TYRP1: variants seen among roughly 807,000 people sequenced by gnomAD.
TYRP1 encodes the protein tyrosinase related protein 1, also known as 5,6-dihydroxyindole-2-carboxylic acid oxidase.
Under a neutral mutation model 42.8 loss-of-function variants are expected in TYRP1, and 49 were observed. The observed-to-expected ratio is 1.14, with a 90% CI of 0.91 to 1.45. TYRP1 has a LOEUF of 1.45. TYRP1 is among the 40% of genes most tolerant of loss of function. TYRP1 has a pLI of 0.00. For synonymous variants in TYRP1, 279 were observed against 235.4 expected, an observed-to-expected ratio of 1.19 and a Z score of -1.69; for missense variants, 848 against 662.0, an observed-to-expected ratio of 1.28 and a Z score of -3.08.
chr9:12,702,413 A>C lies in TYRP1; in HGVS notation c.1056A>C (p.Thr352=). 6.2e-7 allele frequency: 1 copy of C among 1,612,644 alleles called. No homozygotes were observed. Among genetic ancestry groups the C allele is most frequent in the East Asian group, 2.2e-5 (1 of 44,820 alleles). ...CGCCTCCTTTTTATTCCAACTCTAC[A>C]AACAGTTTCCGAAACACAGTGGAAG... The part of the protein sequence containing the change: ...FDTPPFYSNS[T]NSFRNTVEGY... Residue 352 remains threonine, a synonymous_variant, in exon 5 of 8, where the codon ACA becomes ACC. Coordinates refer to ENST00000388918, the MANE Select transcript of TYRP1 (RefSeq NM_000550.3).
chr9:12,708,847 C>T, intron 7 of TYRP1, 130 bp from the exon 8 acceptor site: 1 of 849,756 alleles, frequency 1.2e-6, no homozygotes, highest in Non-Finnish European at 1.9e-6. Context: ...GGCTTCAAGG[C>T]CATGTGGCCA....
chr9:12,694,406 A>G (rs754313210), intron 2 of TYRP1, 25 bp downstream of exon 2: 1 of 1,613,058 alleles, frequency 6.2e-7, no homozygotes, highest in Admixed American at 1.7e-5. Context: ...GAATGAGTTC[A>G]TAAGTCCTGC....
chr9:12,696,184 A>G (rs903577851), intron 3 of TYRP1, among the ~76,000 whole-genome samples: 17 of 152,202 alleles, frequency 1.1e-4, no homozygotes, highest in Non-Finnish European at 2.1e-4. Flanking sequence ...TCTACTAAAT[A>G]TAAGCAGATT....
chr9:12,707,965 T>C (rs779289594), intron 6 of TYRP1, 32 bp from the exon 7 acceptor site: 3 of 1,575,938 alleles, frequency 1.9e-6, no homozygotes, highest in Admixed American at 1.7e-5. Flanking sequence ...TTTTATTATG[T>C]TTATTAATAC....
In TYRP1 at chr9:12,709,025, C is replaced by CTTTG. The variant is rs1818309487; in HGVS notation, c.1460_1463dup (p.Leu488PhefsTer23). 6.2e-7 allele frequency: 1 copy of CTTTG among 1,612,602 alleles called. No individual in the cohort carries two copies. Among genetic ancestry groups the CTTTG allele is most frequent in the South Asian group, 1.1e-5 (1 of 91,058 alleles). On this transcript the variant is annotated frameshift_variant, in exon 8 of 8. Coordinates refer to ENST00000388918, the MANE Select transcript of TYRP1 (RefSeq NM_000550.3). LOFTEE classifies it high-confidence loss of function. ...ATAATTGCCATAGCAGTAGTTGGCG[C>CTTTG]TTTGTTACTGGTTGCACTCATTTTT...
chr9:12,699,659 C>T (rs1818134640), intron 4 of TYRP1, among the ~76,000 whole-genome samples: 1 of 151,958 alleles, frequency 6.6e-6, no homozygotes, highest in Non-Finnish European at 1.5e-5. Flanking sequence ...TGAAAATTTC[C>T]TCTGTAGAAG....
intron 6 of TYRP1, 152 bp downstream of exon 6, chr9:12,704,857 T>C: frequency 1.3e-6 from 1 of 773,978 alleles, no homozygotes; most frequent in Non-Finnish European, 2.2e-6. Flanking sequence ...AGACATTCAA[T>C]TCTACTTTGA....
Position 12,694,112 on chromosome 9 carries a change from G to C in TYRP1, c.116G>C (p.Gly39Ala). ...QCATVEALRS[G>A]MCCPDLSPVS... Reference sequence around the variant, plus strand: ...GCCACTGTTGAGGCTTTGAGAAGTGGTATGTGTTGCCCAGACCTGTCCCCT... The same window carrying C: ...GCCACTGTTGAGGCTTTGAGAAGTGCTATGTGTTGCCCAGACCTGTCCCCT... The change falls in exon 2 of 8, where the codon GGT becomes GCT. Residue 39 changes from glycine to alanine, a missense_variant. Physicochemically the swap from Gly to Ala is moderately conservative, Grantham distance 60 (BLOSUM62 0). Transcript: ENST00000388918. 1.2e-6 allele frequency: 2 copies of C among 1,614,070 alleles called. No homozygotes were observed. Among genetic ancestry groups the C allele is most frequent in the African/African-American group, 2.7e-5 (2 of 75,014 alleles).
intron 5 of TYRP1, among the ~76,000 whole-genome samples, chr9:12,703,222 T>C (rs896915481): frequency 1.3e-5 from 2 of 151,940 alleles, no homozygotes; most frequent in Non-Finnish European, 2.9e-5. Flanking sequence ...CAATATAGCA[T>C]TGTCCATGTC....
chr9:12,699,907 G>A (rs1208080125), intron 4 of TYRP1, among the ~76,000 whole-genome samples: 5 of 151,570 alleles, frequency 3.3e-5, no homozygotes, highest in African/African-American at 1.2e-4. Context: ...TAGCACAGGA[G>A]GGGGAAGAAA....
chr9:12,708,697 A>T (rs1010940875), intron 7 of TYRP1, among the ~76,000 whole-genome samples: 1 of 151,992 alleles, frequency 6.6e-6, no homozygotes, highest in Non-Finnish European at 1.5e-5. Context: ...CTCCAAAGCC[A>T]ACTTTATTGC....
In TYRP1 at chr9:12,708,076, C is replaced by A; in HGVS notation, c.1341C>A (p.Val447=). Reference sequence around the variant, plus strand: ...ACATGGTGCCATTCTGGCCCCCAGTCACCAACACAGAAATGTTTGTTACTG... The same window carrying A: ...ACATGGTGCCATTCTGGCCCCCAGTAACCAACACAGAAATGTTTGTTACTG... The part of the protein sequence containing the change: ...QYNMVPFWPP[V]TNTEMFVTAP... The change falls in exon 7 of 8, where the codon GTC becomes GTA. Residue 447 remains valine (V), a synonymous_variant. Transcript: ENST00000388918. 6.2e-7 allele frequency: 1 copy of A among 1,612,812 alleles called. No homozygotes were observed. The highest frequency in any genetic ancestry group is 8.5e-7 in the Non-Finnish European group (1 of 1,179,302).
intron 6 of TYRP1, 70 bp from the exon 7 acceptor site, chr9:12,707,927 T>C: frequency 1.4e-6 from 2 of 1,473,292 alleles, no homozygotes; most frequent in Non-Finnish European, 1.8e-6. Context: ...TGGATGCCTT[T>C]AGAACTCAAT....
chr9:12,701,484 A>G (rs1818168052), intron 4 of TYRP1, among the ~76,000 whole-genome samples: 1 of 151,956 alleles, frequency 6.6e-6, no homozygotes, highest in Admixed American at 6.6e-5. Flanking sequence ...AAGAAAGTGT[A>G]TCATCTCTTG....
Position 12,709,038 on chromosome 9 carries a change from T to G in TYRP1, c.1470T>G (p.Val490=). ...CAGTAGTTGGCGCTTTGTTACTGGTTGCACTCATTTTTGGGACTGCTTCTT... is the reference window on the plus strand; with the variant it reads ...CAGTAGTTGGCGCTTTGTTACTGGTGGCACTCATTTTTGGGACTGCTTCTT... ...AIAVVGALLL[V]ALIFGTASYL... is the part of the protein sequence containing the mutation. Residue 490 remains valine, a synonymous_variant, in exon 8 of 8, where the codon GTT becomes GTG. Transcript: ENST00000388918. 1.2e-6 allele frequency: 2 copies of G among 1,612,866 alleles called. No homozygotes were observed. The highest frequency in any genetic ancestry group is 2.2e-5 in the South Asian group (2 of 91,058).
chr9:12,710,274 T>C lies in TYRP1; in HGVS notation c.*1092T>C, dbSNP rs925643725. On this transcript the variant is annotated 3_prime_UTR_variant, in exon 8 of 8. Coordinates refer to ENST00000388918, the MANE Select transcript of TYRP1 (RefSeq NM_000550.3). ...TAAAAATAAATAATAACAGTAATAA[T>C]CATGCACTATAGAAAATGGCTAAAC... is the stretch of plus-strand genomic sequence containing the variant. The C allele has an allele frequency of 1.3e-5, 2 of 151,566 alleles. No homozygotes were observed. The highest frequency in any genetic ancestry group is 3.0e-5 in the Non-Finnish European group (2 of 67,738). The allele number at this position is 151,566 out of a possible 1,614,324, so 9.4% of individuals were successfully genotyped here. A position where few individuals can be genotyped will look rare whatever the true frequency, so the allele number is the denominator to read the frequency against.
At chr9:12,700,829 T>C (rs200812381) in intron 4 of TYRP1, among the ~76,000 whole-genome samples, 1 of 152,026 alleles carries the variant, frequency 6.6e-6, no homozygotes, top group African/African-American at 2.4e-5. Flanking sequence ...GTCTAGCTAG[T>C]GATGGTGAAA....
Position 12,695,826 on chromosome 9 carries a change from A to ATGT in TYRP1, c.697_698insTGT (p.Lys233delinsMetTer). On this transcript the variant is annotated stop_gained and protein_altering_variant, in exon 3 of 8. Transcript: ENST00000388918. LOFTEE classifies it high-confidence loss of function. The stretch of plus-strand genomic sequence containing the variant: ...CAGGTACCACCTCCTGCGTCTGGAG[A>ATGT]AAGACATGCAGGTATGTAAGAAGCA... 6.2e-7 allele frequency: 1 copy of ATGT among 1,614,058 alleles called. No homozygotes were observed. Among genetic ancestry groups the ATGT allele is most frequent in the Non-Finnish European group, 8.5e-7 (1 of 1,179,992 alleles).
At position 12,701,821 on chromosome 9, in the gene TYRP1, G is replaced by A. The variant is rs533764597; in HGVS notation, c.914-450G>A. ...GTATCACTTTCCAAAGAAATGTAAG[G>A]GTTTTTTTTTCCTTATTTCTCTGAA... On this transcript the variant is annotated intron_variant, in intron 4 of 7. Coordinates refer to ENST00000388918, the MANE Select transcript of TYRP1 (RefSeq NM_000550.3). The A allele has an allele frequency of 2.5e-5, 3 of 120,338 alleles. No individual in the cohort carries two copies. In the East Asian group the frequency reaches 5.7e-4, roughly 23 times the overall value. The allele number at this position is 120,338 out of a possible 1,614,324, so 7.5% of individuals were successfully genotyped here.
Sources: gnomAD v4.1 joint callset for allele counts (sites outside exome capture counted in the v4.1 genomes callset) on GRCh38, gnomAD v4.1.1 for gene constraint, MANE v1.5 for transcripts, NCBI Gene and HGNC (gene_info 2026-07-23, HGNC 2026-07-21) for gene names.